MBOAT1: variants seen among roughly 807,000 people sequenced by gnomAD.
MBOAT1 encodes membrane bound glycerophospholipid O-acyltransferase 1.
Under a neutral mutation model 64.4 loss-of-function variants are expected in MBOAT1, and 67 were observed. The observed-to-expected ratio is 1.04, with a 90% CI of 0.85 to 1.27. MBOAT1 has a LOEUF of 1.27. Among genes scored for constraint, MBOAT1 ranks in the 50% most tolerant of loss-of-function variants. The pLI, the probability that MBOAT1 is intolerant of heterozygous loss-of-function variation, is 0.00. For synonymous variants in MBOAT1, 229 were observed against 218.9 expected (o/e 1.05, Z -0.41); for missense variants, 563 against 604.6 (o/e 0.93, Z 0.72).
chr6:20,140,664 C>T (rs9358304), intron 4 of MBOAT1, among the ~76,000 whole-genome samples: 20,947 of 152,152 alleles, frequency 0.14, 2,026 homozygotes, highest in East Asian at 0.51. Flanking sequence ...CTCAGGCCTT[C>T]AGCCTCAGAC....
intron 1 of MBOAT1, among the ~76,000 whole-genome samples, chr6:20,159,428 C>T (rs1044587273): frequency 2.0e-5 from 3 of 152,106 alleles, no homozygotes; most frequent in African/African-American, 7.2e-5. Context: ...TATAGATGCA[C>T]AATGGAATAC....
At chr6:20,206,591 C>G (rs922044160) in intron 1 of MBOAT1, among the ~76,000 whole-genome samples, 1 of 152,318 alleles carries the variant, frequency 6.6e-6, no homozygotes, top group African/African-American at 2.4e-5. Context: ...GAGTGCATGA[C>G]AGACAGCAGG....
At chr6:20,123,546 G>A (rs898435079) in intron 8 of MBOAT1, among the ~76,000 whole-genome samples, 10 of 150,624 alleles carry the variant, frequency 6.6e-5, no homozygotes, top group Admixed American at 5.3e-4. Flanking sequence ...TATAGACCAA[G>A]TTATCCCACA....
chr6:20,167,900 C>G (rs925559942), intron 1 of MBOAT1, among the ~76,000 whole-genome samples: 1 of 152,174 alleles, frequency 6.6e-6, no homozygotes, highest in African/African-American at 2.4e-5. Context: ...TTCCATCAAA[C>G]TCTTTACCCA....
At chr6:20,114,483 G>T (rs1248860769) in intron 10 of MBOAT1, among the ~76,000 whole-genome samples, 1 of 152,200 alleles carries the variant, frequency 6.6e-6, no homozygotes, top group Non-Finnish European at 1.5e-5. Flanking sequence ...ACTGCTAGGG[G>T]TGAACACTGC....
intron 1 of MBOAT1, among the ~76,000 whole-genome samples, chr6:20,174,220 TAAG>T (rs1191438290): frequency 6.6e-6 from 1 of 152,204 alleles, no homozygotes; most frequent in Non-Finnish European, 1.5e-5. Context: ...GCCTGGCACA[TAAG>T]AAGTACAATC....
intron 4 of MBOAT1, among the ~76,000 whole-genome samples, chr6:20,142,365 T>A (rs1761203493): frequency 6.6e-6 from 1 of 152,166 alleles, no homozygotes; most frequent in Non-Finnish European, 1.5e-5. Flanking sequence ...CATTTAGAGA[T>A]TCCTTTTAAT....
At chr6:20,188,816 T>C (rs1762726001) in intron 1 of MBOAT1, among the ~76,000 whole-genome samples, 2 of 152,170 alleles carry the variant, frequency 1.3e-5, no homozygotes, top group Non-Finnish European at 2.9e-5. Flanking sequence ...CTTTCTTATC[T>C]GTGTGGCTGT....
intron 1 of MBOAT1, among the ~76,000 whole-genome samples, chr6:20,183,996 G>C (rs1230722316): frequency 6.6e-6 from 1 of 152,216 alleles, no homozygotes; most frequent in East Asian, 1.9e-4. Context: ...GAATAGCATA[G>C]GAAAGACTGG....
intron 1 of MBOAT1, among the ~76,000 whole-genome samples, chr6:20,189,545 C>G (rs1347636600): frequency 6.6e-6 from 1 of 152,180 alleles, no homozygotes; most frequent in Non-Finnish European, 1.5e-5. Flanking sequence ...GGATTACAGA[C>G]ATGCACCACT....
At chr6:20,178,646 AAT>A (rs1488704411) in intron 1 of MBOAT1, among the ~76,000 whole-genome samples, 1 of 152,286 alleles carries the variant, frequency 6.6e-6, no homozygotes, top group East Asian at 1.9e-4. Context: ...TTTTAAAATT[AAT>A]AGTTATTGTT....
At chr6:20,107,197 A>G (rs1759983450) in intron 12 of MBOAT1, among the ~76,000 whole-genome samples, 1 of 152,136 alleles carries the variant, frequency 6.6e-6, no homozygotes, top group Admixed American at 6.5e-5. Context: ...CTCATGCGAC[A>G]AACAGGGACA....
In MBOAT1 at chr6:20,190,045, A is replaced by T. The variant is rs776880145; in HGVS notation, c.99+22091T>A. Among the ~76,000 whole-genome samples the T allele has an allele frequency of 1.2e-4, 18 of 151,788 alleles. 1 individual carries two copies. The highest frequency in any genetic ancestry group is 1.1e-3 in the Admixed American group (17 of 15,218). On this transcript the variant is annotated intron_variant, in intron 1 of 12. Transcript: ENST00000324607. ...AGTCTCACTCTGTCACCCAGGCTGC[A>T]GTGCAGTGATGCGATCTCGGCTCAC...
intron 12 of MBOAT1, among the ~76,000 whole-genome samples, chr6:20,104,848 T>C (rs75899724): frequency 0.025 from 3,825 of 152,328 alleles, 142 homozygotes; most frequent in African/African-American, 0.083. Flanking sequence ...CATTCATTTA[T>C]CCTTTCAATA....
intron 4 of MBOAT1, among the ~76,000 whole-genome samples, chr6:20,139,572 T>TTTTTTA (rs1761107467): frequency 3.3e-5 from 2 of 59,984 alleles, no homozygotes; most frequent in African/African-American, 9.2e-5. Context: ...TTTTTTTTTT[T>TTTTTTA]GAGACAGGGT....
At chr6:20,110,103 G>C (rs571252677) in intron 11 of MBOAT1, among the ~76,000 whole-genome samples, 2 of 151,532 alleles carry the variant, frequency 1.3e-5, no homozygotes, top group Admixed American at 6.6e-5. Context: ...TAGAGCTGGG[G>C]TTTCGCCATG....
At chr6:20,143,445 G>A (rs1026504153) in intron 4 of MBOAT1, among the ~76,000 whole-genome samples, 2 of 152,184 alleles carry the variant, frequency 1.3e-5, no homozygotes, top group Non-Finnish European at 2.9e-5. Context: ...AAAGGGGTCA[G>A]GGTAGTAGGT....
chr6:20,124,118 A>G (rs1343443722), intron 8 of MBOAT1, among the ~76,000 whole-genome samples: 3 of 152,162 alleles, frequency 2.0e-5, no homozygotes, highest in Admixed American at 1.3e-4. Context: ...ACTGCTTTAC[A>G]TGGCCAACTT....
At chr6:20,173,450 A>T (rs1377609052) in intron 1 of MBOAT1, among the ~76,000 whole-genome samples, 2 of 152,238 alleles carry the variant, frequency 1.3e-5, no homozygotes, top group East Asian at 1.9e-4. Context: ...TTTTTAATAG[A>T]TACCACATTG....
Sources: gnomAD v4.1 joint callset for allele counts (sites outside exome capture counted in the v4.1 genomes callset) on GRCh38, gnomAD v4.1.1 for gene constraint, MANE v1.5 for transcripts, NCBI Gene and HGNC (gene_info 2026-07-23, HGNC 2026-07-21) for gene names.